Variants in ADAMTS19 observed in about 807,000 individuals in gnomAD.
The protein encoded by ADAMTS19 is A disintegrin and metalloproteinase with thrombospondin motifs 19.
A neutral mutation model predicts 153.3 loss-of-function variants in ADAMTS19; 93 were observed. That is an observed-to-expected ratio of 0.61 (90% CI 0.51 to 0.72). The LOEUF is 0.72. Among genes scored for constraint, ADAMTS19 ranks in the 30% least tolerant of loss-of-function variants. The pLI is 0.00. For synonymous variants in ADAMTS19, 600 were observed against 556.6 expected, an observed-to-expected ratio of 1.08 and a Z score of -1.10; for missense variants, 1,482 against 1,552.1, an observed-to-expected ratio of 0.95 and a Z score of 0.76.
intron 7 of ADAMTS19, 137 bp from the exon 8 acceptor site, chr5:129,596,422 T>C (rs1750379473): frequency 1.8e-6 from 1 of 550,070 alleles, no homozygotes; most frequent in African/African-American, 2.0e-5. Context: ...AAATTTCATT[T>C]ATTAGGGCTA....
At chr5:129,492,046 A>C (rs538214513) in intron 2 of ADAMTS19, among the ~76,000 whole-genome samples, 1 of 152,296 alleles carries the variant, frequency 6.6e-6, no homozygotes, top group African/African-American at 2.4e-5. Flanking sequence ...AAAGAGGTTT[A>C]ATTGGCTTAT....
chr5:129,720,228 G>A (rs777170660), intron 21 of ADAMTS19, among the ~76,000 whole-genome samples: 15 of 150,014 alleles, frequency 1.0e-4, no homozygotes, highest in Non-Finnish European at 1.6e-4. Flanking sequence ...CTGGAGTGCA[G>A]TGGTGTGATC....
chr5:129,600,742 A>G (rs1750606327), intron 8 of ADAMTS19, among the ~76,000 whole-genome samples: 1 of 152,184 alleles, frequency 6.6e-6, no homozygotes, highest in Non-Finnish European at 1.5e-5. Flanking sequence ...ACTTATAAAT[A>G]TATAAAAAAG....
Position 129,461,820 on chromosome 5 carries a change from C to A in ADAMTS19, c.747+63C>A. ...GCTGCTCCTCTCCTTGCCCATAGGT[C>A]AGGATGATTTGCATGCACCTTCTCC... is the stretch of plus-strand genomic sequence containing the variant. On this transcript the variant is annotated intron_variant, in intron 2 of 22. Transcript: ENST00000274487. This position sits in a 1 kb window ranked among gnomAD's most constrained non-coding sequence, Gnocchi z 4.6. The A allele has an allele frequency of 4.1e-6, 6 of 1,457,110 alleles. No homozygotes were observed. Among genetic ancestry groups the A allele is most frequent in the South Asian group, 1.5e-5 (1 of 68,724 alleles). 90.3% of individuals were successfully genotyped at this position (1,457,110 alleles called of 1,614,324 possible).
chr5:129,714,434 A>AG lies in ADAMTS19; in HGVS notation c.3312+10043_3312+10044insG, dbSNP rs1432552518. ...GAGCGAGACTCCGTCTCAAAAAAAA[A>AG]AAAAAAAAAGAAAAATATATATCTA... On this transcript the variant is annotated intron_variant, in intron 21 of 22. Coordinates refer to ENST00000274487, the MANE Select transcript of ADAMTS19 (RefSeq NM_133638.6). Among the ~76,000 whole-genome samples, 511 of 150,966 alleles carry AG rather than the reference A, an allele frequency of 3.4e-3. 6 individuals carry two copies. Among genetic ancestry groups the AG allele is most frequent in the African/African-American group, 0.012 (497 of 41,170 alleles).
chr5:129,543,814 C>T (rs1433179289), intron 6 of ADAMTS19, among the ~76,000 whole-genome samples: 2 of 152,148 alleles, frequency 1.3e-5, no homozygotes, highest in African/African-American at 4.8e-5. Context: ...ACATCTTCCA[C>T]TGATACTTCA....
intron 8 of ADAMTS19, among the ~76,000 whole-genome samples, chr5:129,609,006 C>G (rs1057273711): frequency 1.3e-5 from 2 of 152,060 alleles, no homozygotes; most frequent in Non-Finnish European, 2.9e-5. Context: ...ATACATTGCT[C>G]CTTAAAATGT....
rs551677584 is a variant in ADAMTS19 at position 129,553,221 on chromosome 5, G to C, written c.1372+1314G>C. Reference sequence around the variant, plus strand: ...GACAGCTCAACATCTTGCCTTGCTTGAGCACATGTGAGAAATCAGCAACTC... The same window carrying C: ...GACAGCTCAACATCTTGCCTTGCTTCAGCACATGTGAGAAATCAGCAACTC... On this transcript the variant is annotated intron_variant, in intron 7 of 22. Coordinates refer to ENST00000274487, the MANE Select transcript of ADAMTS19 (RefSeq NM_133638.6). Among the ~76,000 whole-genome samples, 11 of 152,144 alleles carry C rather than the reference G, an allele frequency of 7.2e-5. 1 individual carries two copies. The highest frequency in any genetic ancestry group is 2.7e-4 in the African/African-American group (11 of 41,508).
At chr5:129,500,932 T>A (rs1350642202) in intron 2 of ADAMTS19, among the ~76,000 whole-genome samples, 2 of 152,174 alleles carry the variant, frequency 1.3e-5, no homozygotes, top group African/African-American at 4.8e-5. Flanking sequence ...AGAAACAAGC[T>A]TTTCTTAAAT....
At chr5:129,512,139 A>G (rs946916420) in intron 3 of ADAMTS19, among the ~76,000 whole-genome samples, 2 of 152,054 alleles carry the variant, frequency 1.3e-5, no homozygotes, top group Non-Finnish European at 2.9e-5. Context: ...ACATTTTAGT[A>G]TAAACGCATG....
intron 21 of ADAMTS19, among the ~76,000 whole-genome samples, chr5:129,732,805 GA>G (rs913926869): frequency 1.3e-5 from 2 of 151,660 alleles, no homozygotes; most frequent in South Asian, 2.1e-4. Flanking sequence ...CAGAATTAGG[GA>G]AAAAAAATCC....
chr5:129,600,823 G>A (rs889979680), intron 8 of ADAMTS19, among the ~76,000 whole-genome samples: 4 of 151,634 alleles, frequency 2.6e-5, no homozygotes, highest in African/African-American at 9.7e-5. Flanking sequence ...TTGCCTTTCA[G>A]AACAATTTTG....
chr5:129,697,005 T>C (rs1202563849), intron 19 of ADAMTS19, among the ~76,000 whole-genome samples: 3 of 152,182 alleles, frequency 2.0e-5, no homozygotes, highest in Admixed American at 1.3e-4. Flanking sequence ...GGATTCCCTA[T>C]AGAATGTCAG....
chr5:129,577,416 AG>A (rs1202490141), intron 7 of ADAMTS19, among the ~76,000 whole-genome samples: 2 of 152,146 alleles, frequency 1.3e-5, no homozygotes, highest in Non-Finnish European at 2.9e-5. Flanking sequence ...GTATATTAAA[AG>A]ATAAAACTGA....
intron 7 of ADAMTS19, among the ~76,000 whole-genome samples, chr5:129,564,761 T>C (rs1753646539): frequency 6.6e-6 from 1 of 152,116 alleles, no homozygotes. Context: ...GGAAAATTGG[T>C]CCTTCAAGGA....
chr5:129,508,121 T>C (rs1012608955), intron 2 of ADAMTS19, among the ~76,000 whole-genome samples: 2 of 151,942 alleles, frequency 1.3e-5, no homozygotes, highest in Admixed American at 1.3e-4. Context: ...ATACATAAAA[T>C]TCATATTGAT....
chr5:129,555,447 C>A (rs905854003), intron 7 of ADAMTS19, among the ~76,000 whole-genome samples: 1 of 152,012 alleles, frequency 6.6e-6, no homozygotes, highest in Non-Finnish European at 1.5e-5. Context: ...ATGAAGAAAG[C>A]CCTGAAAAAC....
intron 17 of ADAMTS19, among the ~76,000 whole-genome samples, chr5:129,681,402 C>T (rs1232358859): frequency 1.3e-5 from 2 of 152,052 alleles, no homozygotes; most frequent in African/African-American, 2.4e-5. Context: ...GTGTGTGTAC[C>T]TTCTATTCCA....
chr5:129,542,425 A>G (rs150187143), intron 6 of ADAMTS19, among the ~76,000 whole-genome samples: 1 of 152,286 alleles, frequency 6.6e-6, no homozygotes, highest in African/African-American at 2.4e-5. Flanking sequence ...GAAGGATAGG[A>G]TTTACCTCAG....
Sources: allele counts gnomAD v4.1 joint callset (sites outside exome capture counted in the v4.1 genomes callset), GRCh38; gene constraint gnomAD v4.1.1; non-coding constraint Gnocchi (gnomAD v3.1); transcripts MANE v1.5; gene names NCBI Gene and HGNC (gene_info 2026-07-23, HGNC 2026-07-21).